BPNT1: variants seen among roughly 807,000 people sequenced by gnomAD.
BPNT1 encodes 3'(2'),5'-bisphosphate nucleotidase 1.
In BPNT1, 28 loss-of-function variants were observed where a neutral mutation model predicts 36.9. That is an observed-to-expected ratio of 0.76 (90% CI 0.56 to 1.04). The LOEUF is 1.04. Ranked by LOEUF, BPNT1 falls within the 50% of genes least tolerant of loss-of-function variation. The probability of loss-of-function intolerance (pLI) is 0.00; values close to 1 mark genes in which losing one functional copy is unlikely to be tolerated. For missense variants in BPNT1, 313 were observed against 372.9 expected, an observed-to-expected ratio of 0.84 and a Z score of 1.32; for synonymous variants, 119 against 130.9, an observed-to-expected ratio of 0.91 and a Z score of 0.62.
Position 220,058,748 on chromosome 1 carries a change from C to G in BPNT1, c.*96G>C. 1.6e-6 allele frequency: 2 copies of G among 1,276,638 alleles called. No individual in the cohort carries two copies. The highest frequency in any genetic ancestry group is 2.2e-6 in the Non-Finnish European group (2 of 904,464). The allele number at this position is 1,276,638 out of a possible 1,614,324, so 79.1% of individuals were successfully genotyped here. On this transcript the variant is annotated 3_prime_UTR_variant, in exon 9 of 9. Coordinates refer to ENST00000322067, the MANE Select transcript of BPNT1 (RefSeq NM_006085.6). ...CTCACGATATTGCCCAGGCTGGTCT[C>G]AAACTCCTGAGCTCAAGTGATCCAC...
chr1:220,060,686 T>G (rs1161889872), intron 7 of BPNT1, among the ~76,000 whole-genome samples: 1 of 152,076 alleles, frequency 6.6e-6, no homozygotes, highest in African/African-American at 2.4e-5. Context: ...TAAAAATATT[T>G]GAAGAGATTT....
Position 220,062,041 on chromosome 1 carries a change from A to C in BPNT1, c.672+716T>G, listed in dbSNP as rs537289135. On this transcript the variant is annotated intron_variant, in intron 7 of 8. Transcript: ENST00000322067. Reference sequence around the variant, plus strand: ...CATTAACATTGAACTCTCTCAGATAAAAAAAAAAAAAACTTGATTCTTAAA... The same window carrying C: ...CATTAACATTGAACTCTCTCAGATACAAAAAAAAAAAACTTGATTCTTAAA... Among the ~76,000 whole-genome samples, 15 of 145,318 alleles carry C rather than the reference A, an allele frequency of 1.0e-4. No individual in the cohort carries two copies. The East Asian group carries it at 1.4e-3, about 13-fold the overall frequency.
intron 1 of BPNT1, among the ~76,000 whole-genome samples, chr1:220,080,473 T>C (rs569284129): frequency 2.6e-5 from 4 of 152,300 alleles, no homozygotes; most frequent in East Asian, 3.9e-4. Flanking sequence ...AGAGGTTGAA[T>C]TGACTCACAG....
intron 6 of BPNT1, among the ~76,000 whole-genome samples, chr1:220,063,311 A>G (rs1209707474): frequency 1.3e-5 from 2 of 152,148 alleles, no homozygotes; most frequent in Non-Finnish European, 2.9e-5. Context: ...TCACGCCACT[A>G]CACTCCAGTC....
rs1453864571 is a variant in BPNT1, at chr1:220,058,929, G to A, written c.842C>T (p.Ser281Phe). The change falls in exon 9 of 9, where the codon TCT becomes TTT. Residue 281 changes from serine to phenylalanine, a missense_variant. Coordinates refer to ENST00000322067, the MANE Select transcript of BPNT1 (RefSeq NM_006085.6). The stretch of plus-strand genomic sequence containing the variant: ...CCTCAGTGTGGCCAGGACTCCTGCA[G>A]AGTTCATATGCTTCACATCCTTGTG... ...QYHKDVKHMN[S>F]AGVLATLRNY... The A allele has an allele frequency of 3.1e-6, 5 of 1,613,858 alleles. No homozygotes were observed. The highest frequency in any genetic ancestry group is 4.2e-6 in the Non-Finnish European group (5 of 1,179,780).
intron 2 of BPNT1, among the ~76,000 whole-genome samples, chr1:220,079,283 C>T (rs1176605666): frequency 4.6e-5 from 7 of 151,134 alleles, no homozygotes; most frequent in Non-Finnish European, 7.4e-5. Context: ...GATGGAGTCT[C>T]GCCCTGTTGC....
intron 1 of BPNT1, among the ~76,000 whole-genome samples, chr1:220,082,085 T>TATATATAGAG (rs1171093697): frequency 8.9e-4 from 92 of 103,276 alleles, no homozygotes; most frequent in African/African-American, 3.3e-3. Flanking sequence ...TATATATATA[T>TATATATAGAG]AGAGAGAGAG....
intron 1 of BPNT1, among the ~76,000 whole-genome samples, chr1:220,083,936 G>A (rs1400319489): frequency 6.6e-6 from 1 of 152,046 alleles, no homozygotes; most frequent in Non-Finnish European, 1.5e-5. Flanking sequence ...TTTGTTTTAT[G>A]ATATCATAAT....
At position 220,059,722 on chromosome 1, in the gene BPNT1, T is replaced by C. The variant is rs187691249; in HGVS notation, c.742A>G (p.Thr248Ala). 1 of 1,611,410 alleles carries C rather than the reference T, an allele frequency of 6.2e-7. No individual in the cohort carries two copies. The highest frequency in any genetic ancestry group is 1.3e-5 in the African/African-American group (1 of 74,924). The change falls in exon 8 of 9, where the codon ACT (threonine) becomes GCT (alanine). Residue 248 changes from threonine to alanine, a missense_variant. Physicochemically the swap from Thr to Ala is moderately conservative, Grantham distance 58. Transcript: ENST00000322067. ...FASPGCKKWD[T>A]CAPEVILHAV... ...TGTAAAATAACTTCTGGAGCACAAG[T>C]ATCCCACTTCTTACAACCAGGACTT...
intron 2 of BPNT1, among the ~76,000 whole-genome samples, chr1:220,078,690 C>G (rs1489382181): frequency 6.6e-6 from 1 of 151,094 alleles, no homozygotes; most frequent in Non-Finnish European, 1.5e-5. Flanking sequence ...CTCGCTCTCC[C>G]AGATTCAAGT....
At chr1:220,061,257 A>C (rs1663001722) in intron 7 of BPNT1, among the ~76,000 whole-genome samples, 1 of 152,230 alleles carries the variant, frequency 6.6e-6, no homozygotes, top group Non-Finnish European at 1.5e-5. Flanking sequence ...AACTGAGATC[A>C]CTGCTAGAAC....
intron 1 of BPNT1, among the ~76,000 whole-genome samples, chr1:220,087,092 TATTTTGATATAAATAC>T (rs938260366): frequency 7.3e-5 from 11 of 151,354 alleles, no homozygotes; most frequent in Admixed American, 5.3e-4. Flanking sequence ...ATTCTTTTGA[TATTTTGATATAAATAC>T]ATTTTGATAT....
chr1:220,069,313 T>A, intron 5 of BPNT1, 71 bp downstream of exon 5: 1 of 1,221,984 alleles, frequency 8.2e-7, no homozygotes, highest in Non-Finnish European at 1.2e-6. Context: ...ATACAAAATA[T>A]CAAATATTTA....
rs554088981 is a variant in BPNT1, at chr1:220,087,388, C to T, written c.-9+2298G>A. On this transcript the variant is annotated intron_variant, in intron 1 of 8. Transcript: ENST00000322067. Reference sequence around the variant, plus strand: ...TGACCAACTTGGTGAAACCCTGTCTCTACTAAAAATACAAAAATTAGCCGG... The same window carrying T: ...TGACCAACTTGGTGAAACCCTGTCTTTACTAAAAATACAAAAATTAGCCGG... Among the ~76,000 whole-genome samples, 218 of 152,098 alleles carry T rather than the reference C, an allele frequency of 1.4e-3. 1 individual carries two copies. The highest frequency in any genetic ancestry group is 4.9e-3 in the African/African-American group (204 of 41,488).
At chr1:220,067,973 T>G (rs1663692918) in intron 5 of BPNT1, among the ~76,000 whole-genome samples, 1 of 152,166 alleles carries the variant, frequency 6.6e-6, no homozygotes. Context: ...TATTTCACAA[T>G]GGGTTCTACA....
intron 1 of BPNT1, among the ~76,000 whole-genome samples, chr1:220,088,759 C>T (rs1458173943): frequency 1.4e-5 from 2 of 145,280 alleles, no homozygotes; most frequent in Non-Finnish European, 3.0e-5. Context: ...CACTGTACTC[C>T]AGCCTGGGGG....
intron 1 of BPNT1, among the ~76,000 whole-genome samples, chr1:220,087,881 T>G (rs186901407): frequency 6.6e-6 from 1 of 152,046 alleles, no homozygotes; most frequent in East Asian, 1.9e-4. Flanking sequence ...ATTAATTAAT[T>G]TATTTATTTT....
At chr1:220,062,162 C>A (rs867365083) in intron 7 of BPNT1, among the ~76,000 whole-genome samples, 10 of 149,760 alleles carry the variant, frequency 6.7e-5, no homozygotes, top group African/African-American at 2.5e-4. Context: ...TATTATTATA[C>A]TTTAAGTTTT....
intron 1 of BPNT1, among the ~76,000 whole-genome samples, chr1:220,081,126 G>A (rs1023089586): frequency 5.3e-5 from 8 of 152,118 alleles, no homozygotes; most frequent in Admixed American, 1.3e-4. Context: ...TAGTGGACAC[G>A]GGGTTGCATC....
Sources: allele counts gnomAD v4.1 joint callset (sites outside exome capture counted in the v4.1 genomes callset), GRCh38; gene constraint gnomAD v4.1.1; transcripts MANE v1.5; gene names NCBI Gene and HGNC (gene_info 2026-07-23, HGNC 2026-07-21).